Variants in CDH12 observed in about 807,000 individuals in gnomAD.
The protein encoded by CDH12 is cadherin 12, also known as cadherin-12.
In CDH12, 41 loss-of-function variants were observed where a neutral mutation model predicts 74.1. The observed-to-expected ratio is 0.55, with a 90% CI of 0.43 to 0.72. The LOEUF is 0.72. Among genes scored for constraint, CDH12 ranks in the 30% least tolerant of loss-of-function variants. CDH12 has a pLI of 0.00. For synonymous variants in CDH12, 399 were observed against 355.0 expected (o/e 1.12, Z -1.39); for missense variants, 945 against 977.2 (o/e 0.97, Z 0.44).
At chr5:22,163,750 C>T (rs926670621) in intron 4 of CDH12, among the ~76,000 whole-genome samples, 6 of 152,102 alleles carry the variant, frequency 3.9e-5, no homozygotes, top group African/African-American at 1.2e-4. Context: ...CAGTATTGAG[C>T]TTATTAATAA....
intron 3 of CDH12, among the ~76,000 whole-genome samples, chr5:22,286,819 T>C (rs775045066): frequency 6.6e-6 from 1 of 152,174 alleles, no homozygotes; most frequent in Non-Finnish European, 1.5e-5. Context: ...TTTTGTATCA[T>C]GTTAAGCAAA....
At chr5:22,753,440 A>T (rs1022176827) in intron 1 of CDH12, among the ~76,000 whole-genome samples, 1 of 140,778 alleles carries the variant, frequency 7.1e-6, no homozygotes, top group Admixed American at 7.2e-5. Flanking sequence ...GTGTCAGAAG[A>T]AAAAAAAAAA....
intron 1 of CDH12, among the ~76,000 whole-genome samples, chr5:22,686,880 G>A (rs1308054132): frequency 1.3e-5 from 2 of 152,076 alleles, no homozygotes; most frequent in African/African-American, 4.8e-5. Flanking sequence ...TTGCTGTCAT[G>A]GAAAATATTC....
chr5:22,711,186 T>G (rs1459846103), intron 1 of CDH12, among the ~76,000 whole-genome samples: 1 of 152,080 alleles, frequency 6.6e-6, no homozygotes, highest in African/African-American at 2.4e-5. Flanking sequence ...TAGAAAAGTG[T>G]AAACAGATGT....
At chr5:22,654,236 G>GTTTCTTTCTTTCTTTC (rs200960229) in intron 1 of CDH12, among the ~76,000 whole-genome samples, 1 of 122,724 alleles carries the variant, frequency 8.1e-6, no homozygotes, top group African/African-American at 3.0e-5. Context: ...TTGTTTCTTT[G>GTTTCTTTCTTTCTTTC]TTTCTTTCTT....
intron 6 of CDH12, among the ~76,000 whole-genome samples, chr5:21,957,488 C>T (rs1346446719): frequency 6.6e-6 from 1 of 152,244 alleles, no homozygotes; most frequent in East Asian, 1.9e-4. Context: ...GAGGAATTGC[C>T]ATGCTGCTTT....
intron 1 of CDH12, among the ~76,000 whole-genome samples, chr5:22,658,944 T>TCAACAGTA (rs1373775871): frequency 2.0e-5 from 3 of 152,154 alleles, no homozygotes. Flanking sequence ...CATTTAGAGT[T>TCAACAGTA]CAACAGTACA....
intron 5 of CDH12, among the ~76,000 whole-genome samples, chr5:22,056,947 T>C (rs971874810): frequency 4.6e-5 from 7 of 152,076 alleles, no homozygotes; most frequent in African/African-American, 1.2e-4. Context: ...AACCAACATC[T>C]CCCCTAAGAA....
At chr5:22,540,555 T>C (rs539903469) in intron 1 of CDH12, among the ~76,000 whole-genome samples, 3 of 152,180 alleles carry the variant, frequency 2.0e-5, no homozygotes, top group African/African-American at 4.8e-5. Context: ...AGAAATCCAT[T>C]TGTAAAATTC....
At position 22,197,386 on chromosome 5, in the gene CDH12, G is replaced by T. The variant is rs534053773; in HGVS notation, c.-187+15112C>A. ...TGGTGTGAACCCGGGAGGCGAGCTT[G>T]CAGTGAGCCAAGAGTCCGCCACTGC... On this transcript the variant is annotated intron_variant, in intron 4 of 14. Transcript: ENST00000382254. Among the ~76,000 whole-genome samples, 91 of 152,220 alleles carry T rather than the reference G, an allele frequency of 6.0e-4. 2 individuals are homozygous for T. Among genetic ancestry groups the T allele is most frequent in the African/African-American group, 2.0e-3 (85 of 41,544 alleles).
At chr5:21,826,066 T>G (rs1286054867) in intron 8 of CDH12, among the ~76,000 whole-genome samples, 1 of 152,180 alleles carries the variant, frequency 6.6e-6, no homozygotes, top group Admixed American at 6.5e-5. Context: ...GAACCATTTT[T>G]GCAGGCTATG....
At chr5:22,146,408 T>A (rs1489405760) in intron 4 of CDH12, among the ~76,000 whole-genome samples, 4 of 152,138 alleles carry the variant, frequency 2.6e-5, no homozygotes, top group Admixed American at 2.0e-4. Context: ...CAAATGTTCA[T>A]AACATTTAAC....
At chr5:22,811,777 G>C (rs1749160331) in intron 1 of CDH12, among the ~76,000 whole-genome samples, 1 of 152,076 alleles carries the variant, frequency 6.6e-6, no homozygotes, top group African/African-American at 2.4e-5. Context: ...GAGAGAAACG[G>C]CTAAAACTCA....
chr5:22,553,610 G>A (rs1042371138), intron 1 of CDH12, among the ~76,000 whole-genome samples: 5 of 152,062 alleles, frequency 3.3e-5, no homozygotes, highest in African/African-American at 1.2e-4. Flanking sequence ...CAACGCTGGT[G>A]AAAGAAATCA....
chr5:22,782,345 T>C (rs1747423082), intron 1 of CDH12, among the ~76,000 whole-genome samples: 1 of 152,098 alleles, frequency 6.6e-6, no homozygotes, highest in South Asian at 2.1e-4. Flanking sequence ...GACTGGATCA[T>C]GGGGGTGGTT....
At chr5:22,439,079 T>C (rs536095253) in intron 2 of CDH12, among the ~76,000 whole-genome samples, 22 of 151,948 alleles carry the variant, frequency 1.4e-4, no homozygotes, top group Non-Finnish European at 2.8e-4. Context: ...TCAGGTTAAT[T>C]TGATCATCAT....
At chr5:22,638,134 G>C (rs1738936873) in intron 1 of CDH12, among the ~76,000 whole-genome samples, 1 of 152,184 alleles carries the variant, frequency 6.6e-6, no homozygotes, top group Non-Finnish European at 1.5e-5. Context: ...TCATGTATTA[G>C]ACTTCTCTAG....
At chr5:22,235,845 T>C (rs886197738) in intron 3 of CDH12, among the ~76,000 whole-genome samples, 6 of 152,196 alleles carry the variant, frequency 3.9e-5, no homozygotes, top group East Asian at 3.9e-4. Context: ...AATTTCTTCA[T>C]TGGGTGAACA....
intron 5 of CDH12, among the ~76,000 whole-genome samples, chr5:22,013,517 A>G (rs1227331438): frequency 6.6e-6 from 1 of 152,178 alleles, no homozygotes; most frequent in Non-Finnish European, 1.5e-5. Context: ...ATAGATAAAT[A>G]GATGTTTAGT....
Sources: allele counts gnomAD v4.1 joint callset (sites outside exome capture counted in the v4.1 genomes callset), GRCh38; gene constraint gnomAD v4.1.1; transcripts MANE v1.5; gene names NCBI Gene and HGNC (gene_info 2026-07-23, HGNC 2026-07-21).